The following PTPRK variants were observed in gnomAD, a reference collection of about 807,000 sequenced individuals.
The protein encoded by PTPRK is receptor-type tyrosine-protein phosphatase kappa.
Under a neutral mutation model 178.0 loss-of-function variants are expected in PTPRK, and 75 were observed. The ratio of observed to expected loss-of-function variants is 0.42; its 90% CI spans 0.35 to 0.51. The LOEUF is 0.51. Among genes scored for constraint, PTPRK ranks in the 20% least tolerant of loss-of-function variants. The probability of loss-of-function intolerance (pLI) is 0.02; values close to 1 mark genes in which losing one functional copy is unlikely to be tolerated. For synonymous variants in PTPRK, 637 were observed against 620.6 expected, an observed-to-expected ratio of 1.03 and a Z score of -0.39; for missense variants, 1,441 against 1,797.8, an observed-to-expected ratio of 0.80 and a Z score of 3.59.
At chr6:128,029,645 A>AATG (rs1434243361) in intron 13 of PTPRK, among the ~76,000 whole-genome samples, 13 of 109,186 alleles carry the variant, frequency 1.2e-4, no homozygotes, top group Non-Finnish European at 1.9e-4. Flanking sequence ...TCAAAATAAT[A>AATG]ATAATAATAA....
chr6:127,997,026 TC>T (rs1254737667), intron 16 of PTPRK, 38 bp from the exon 17 acceptor site: 1 of 1,585,776 alleles, frequency 6.3e-7, no homozygotes, highest in Non-Finnish European at 8.6e-7. Context: ...TGAATTTAAT[TC>T]CTTTTTAAAA....
At chr6:128,065,124 G>A (rs1781532974) in intron 12 of PTPRK, among the ~76,000 whole-genome samples, 1 of 152,126 alleles carries the variant, frequency 6.6e-6, no homozygotes, top group African/African-American at 2.4e-5. Flanking sequence ...TACTTGCAAA[G>A]CTAATAAAAA....
intron 7 of PTPRK, among the ~76,000 whole-genome samples, chr6:128,177,196 G>C (rs1180411711): frequency 6.6e-6 from 1 of 151,608 alleles, no homozygotes; most frequent in African/African-American, 2.4e-5. Flanking sequence ...TTGATGCCTA[G>C]ATCTATATCT....
At chr6:128,450,288 G>A (rs1157729815) in intron 1 of PTPRK, among the ~76,000 whole-genome samples, 1 of 152,160 alleles carries the variant, frequency 6.6e-6, no homozygotes, top group Non-Finnish European at 1.5e-5. Flanking sequence ...GAAATTCACT[G>A]TGAAGCATTA....
intron 3 of PTPRK, among the ~76,000 whole-genome samples, chr6:128,270,497 C>T (rs1267452831): frequency 2.6e-5 from 4 of 152,086 alleles, no homozygotes; most frequent in Admixed American, 2.6e-4. Context: ...TAGGAAGACA[C>T]ATACAGTGAC....
At chr6:128,313,257 T>A (rs1408175445) in intron 3 of PTPRK, among the ~76,000 whole-genome samples, 1 of 152,108 alleles carries the variant, frequency 6.6e-6, no homozygotes, top group South Asian at 2.1e-4. Flanking sequence ...ATAGTGCTAT[T>A]GTGAGGATGA....
chr6:128,278,555 T>C (rs1821157315), intron 3 of PTPRK, among the ~76,000 whole-genome samples: 1 of 152,168 alleles, frequency 6.6e-6, no homozygotes, highest in Admixed American at 6.5e-5. Flanking sequence ...AATAACAAAG[T>C]AATGTCACTT....
intron 7 of PTPRK, among the ~76,000 whole-genome samples, chr6:128,172,427 T>G (rs943471278): frequency 6.6e-6 from 1 of 151,878 alleles, no homozygotes; most frequent in African/African-American, 2.4e-5. Context: ...CTACTGAAAA[T>G]CCTTGGAAAG....
chr6:128,362,098 A>G (rs972268971), intron 2 of PTPRK, among the ~76,000 whole-genome samples: 2 of 152,164 alleles, frequency 1.3e-5, no homozygotes, highest in Non-Finnish European at 2.9e-5. Context: ...AAGGGGTTTA[A>G]CTGGTTCACA....
intron 5 of PTPRK, among the ~76,000 whole-genome samples, chr6:128,239,730 CATTCTT>C (rs543006977): frequency 1.1e-3 from 174 of 152,224 alleles, no homozygotes; most frequent in Non-Finnish European, 2.1e-3. Flanking sequence ...GAAAAAATAT[CATTCTT>C]ATTCATATTT....
intron 3 of PTPRK, among the ~76,000 whole-genome samples, chr6:128,255,039 G>T (rs1455732176): frequency 6.6e-6 from 1 of 152,206 alleles, no homozygotes; most frequent in East Asian, 1.9e-4. Flanking sequence ...CGCCCAGGCT[G>T]GAGTACAGTG....
intron 3 of PTPRK, among the ~76,000 whole-genome samples, chr6:128,303,583 A>T (rs1825953804): frequency 6.6e-6 from 1 of 152,202 alleles, no homozygotes. Flanking sequence ...ATATTAGTGC[A>T]TGGTATTCTA....
chr6:128,514,766 C>T (rs917301251), intron 1 of PTPRK, among the ~76,000 whole-genome samples: 22 of 152,118 alleles, frequency 1.4e-4, no homozygotes, highest in Admixed American at 6.5e-5. Context: ...CAATGTTCCA[C>T]GAGAGGATCA....
At chr6:128,178,656 CATCTATCTATCT>C (rs71028114) in intron 7 of PTPRK, among the ~76,000 whole-genome samples, 35 of 146,106 alleles carry the variant, frequency 2.4e-4, no homozygotes, top group East Asian at 1.0e-3. Flanking sequence ...GTAGAGAAGA[CATCTATCTATCT>C]ATCTATCTAT....
At chr6:128,318,652 T>A (rs1198076477) in intron 3 of PTPRK, among the ~76,000 whole-genome samples, 1 of 152,188 alleles carries the variant, frequency 6.6e-6, no homozygotes, top group Admixed American at 6.5e-5. Context: ...GCAAGTTACA[T>A]ACGTCTGCCT....
rs1056850553 is a variant in PTPRK, at chr6:128,125,630, G to A, written c.1163-35638C>T. On this transcript the variant is annotated intron_variant, in intron 7 of 29. Coordinates refer to ENST00000368226, the MANE Select transcript of PTPRK (RefSeq NM_002844.4). ...TTTTTTTTTTTTTTTTTTTTTTTTC[G>A]ATGAAGTCTTGCTGTGTCCCTTAGG... 3.2e-4 allele frequency among the ~76,000 whole-genome samples: 21 copies of A among 66,062 alleles called. No individual in the cohort carries two copies. The East Asian group carries it at 4.6e-3, about 15-fold the overall frequency. 43.3% of individuals were successfully genotyped at this position (66,062 alleles called of 152,430 possible).
intron 13 of PTPRK, among the ~76,000 whole-genome samples, chr6:128,034,139 A>G (rs143408699): frequency 6.6e-6 from 1 of 152,302 alleles, no homozygotes; most frequent in East Asian, 1.9e-4. Flanking sequence ...TTACATTATT[A>G]TCATTATTAT....
intron 2 of PTPRK, among the ~76,000 whole-genome samples, chr6:128,386,667 A>G (rs1316409780): frequency 1.3e-5 from 2 of 152,208 alleles, no homozygotes; most frequent in African/African-American, 4.8e-5. Flanking sequence ...AAATCTTCAA[A>G]TAGATGTTAA....
intron 3 of PTPRK, among the ~76,000 whole-genome samples, chr6:128,320,271 G>A (rs1275134488): frequency 6.6e-6 from 1 of 152,094 alleles, no homozygotes; most frequent in Non-Finnish European, 1.5e-5. Context: ...TAACACCACA[G>A]TAATCTGTGC....
Sources: allele counts gnomAD v4.1 joint callset (sites outside exome capture counted in the v4.1 genomes callset), GRCh38; gene constraint gnomAD v4.1.1; transcripts MANE v1.5; gene names NCBI Gene and HGNC (gene_info 2026-07-23, HGNC 2026-07-21).